ST3GAL1: variants seen among roughly 807,000 people sequenced by gnomAD.
ST3GAL1 encodes CMP-N-acetylneuraminate-beta-galactosamide-alpha-2,3-sialyltransferase 1.
In ST3GAL1, 16 loss-of-function variants were observed where a neutral mutation model predicts 34.1. That is an observed-to-expected ratio of 0.47 (90% CI 0.32 to 0.71). The LOEUF is 0.71. Ranked by LOEUF, ST3GAL1 falls within the 30% of genes least tolerant of loss-of-function variation. The pLI is 0.04. For synonymous variants in ST3GAL1, 191 were observed against 184.7 expected (o/e 1.03, Z -0.28); for missense variants, 353 against 447.4 (o/e 0.79, Z 1.90).
intron 3 of ST3GAL1, among the ~76,000 whole-genome samples, chr8:133,498,199 A>T (rs571746734): frequency 6.6e-6 from 1 of 152,348 alleles, no homozygotes; most frequent in Admixed American, 6.5e-5. Flanking sequence ...GAAGGCAGGC[A>T]GTTCATCCGA....
chr8:133,475,589 C>T, intron 5 of ST3GAL1, 130 bp downstream of exon 5: 1 of 1,112,654 alleles, frequency 9.0e-7, no homozygotes, highest in Non-Finnish European at 1.2e-6. Context: ...AGACCCCTAC[C>T]CTCAGCCCAG....
rs561240154 is a variant in ST3GAL1 at position 133,469,795 on chromosome 8, G to A, written c.307-3705C>T. 6.6e-6 allele frequency among the ~76,000 whole-genome samples: 1 copy of A among 152,324 alleles called. No homozygotes were observed. The highest frequency in any genetic ancestry group is 2.1e-4 in the South Asian group (1 of 4,822). On this transcript the variant is annotated intron_variant, in intron 5 of 9. Coordinates refer to ENST00000522652, the MANE Select transcript of ST3GAL1 (RefSeq NM_173344.3). The surrounding 1 kb of genome is among the most constrained non-coding windows in gnomAD (Gnocchi z 4.3). The stretch of plus-strand genomic sequence containing the variant: ...GGTGGGAAGGAGGGACGGCAGAAAT[G>A]ACCTCCGGGCTCTGTGATGCGACTT...
chr8:133,492,218 C>T (rs557388826), intron 3 of ST3GAL1, among the ~76,000 whole-genome samples: 5 of 152,146 alleles, frequency 3.3e-5, no homozygotes, highest in African/African-American at 7.2e-5. Context: ...GGTCAGGAGG[C>T]GTGGACCATG....
chr8:133,509,512 G>C (rs1451393105), intron 2 of ST3GAL1, among the ~76,000 whole-genome samples: 1 of 152,226 alleles, frequency 6.6e-6, no homozygotes, highest in Admixed American at 6.5e-5. Flanking sequence ...CAAATGACAG[G>C]GCGTGGGGCA....
At chr8:133,538,494 G>A (rs56151636) in intron 2 of ST3GAL1, among the ~76,000 whole-genome samples, 17,352 of 152,166 alleles carry the variant, frequency 0.11, 1,155 homozygotes, top group African/African-American at 0.16. Context: ...CAGCCTGGGC[G>A]ACAGAGCGAG....
chr8:133,562,018 T>G (rs770494738), intron 1 of ST3GAL1, among the ~76,000 whole-genome samples: 1 of 151,762 alleles, frequency 6.6e-6, no homozygotes, highest in Non-Finnish European at 1.5e-5. Context: ...CAGGCAGAAG[T>G]TGCAGTGAGC....
intron 2 of ST3GAL1, among the ~76,000 whole-genome samples, chr8:133,522,418 T>A (rs1817840718): frequency 1.3e-5 from 2 of 152,152 alleles, no homozygotes; most frequent in South Asian, 4.1e-4. Context: ...TGGTTTGATC[T>A]CTACCCCTCT....
At chr8:133,479,892 C>T (rs2130952991) in intron 3 of ST3GAL1, among the ~76,000 whole-genome samples, 1 of 152,308 alleles carries the variant, frequency 6.6e-6, no homozygotes, top group African/African-American at 2.4e-5. Context: ...TATACCCCTT[C>T]CCTGGCTGCA....
At chr8:133,501,106 T>C (rs989458670) in intron 2 of ST3GAL1, among the ~76,000 whole-genome samples, 13 of 152,264 alleles carry the variant, frequency 8.5e-5, no homozygotes, top group Middle Eastern at 3.4e-3. Flanking sequence ...GCCTCAGACA[T>C]CGTTCTTTCT....
rs1563734422 is a variant in ST3GAL1 at position 133,541,034 on chromosome 8, C to CATATATAGACATATATATAGACATAT, written c.-429+4714_-429+4739dup. The stretch of plus-strand genomic sequence containing the variant: ...ATATATATGCAGACATATATATAGA[C>CATATATAGACATATATATAGACATAT]ATATATAGACATATATATAGACATA... On this transcript the variant is annotated intron_variant, in intron 2 of 9. Coordinates refer to ENST00000522652, the MANE Select transcript of ST3GAL1 (RefSeq NM_173344.3). 2.1e-5 allele frequency among the ~76,000 whole-genome samples: 2 copies of CATATATAGACATATATATAGACATAT among 96,654 alleles called. 1 individual carries two copies. Among genetic ancestry groups the CATATATAGACATATATATAGACATAT allele is most frequent in the Non-Finnish European group, 4.1e-5 (2 of 48,668 alleles). The allele number at this position is 96,654 out of a possible 152,430, so 63.4% of individuals were successfully genotyped here. A position where few individuals can be genotyped will look rare whatever the true frequency, so the allele number is the denominator to read the frequency against.
intron 2 of ST3GAL1, among the ~76,000 whole-genome samples, chr8:133,536,061 G>C (rs756965555): frequency 1.5e-4 from 23 of 152,162 alleles, no homozygotes; most frequent in Non-Finnish European, 2.9e-4. Context: ...TTGCAGATGA[G>C]GAAACTGAGA....
In ST3GAL1 at chr8:133,540,467, C is replaced by T. The variant is rs182190384; in HGVS notation, c.-429+5307G>A. 3.3e-5 allele frequency among the ~76,000 whole-genome samples: 5 copies of T among 152,210 alleles called. No individual in the cohort carries two copies. The East Asian group carries it at 9.6e-4, about 29-fold the overall frequency. On this transcript the variant is annotated intron_variant, in intron 2 of 9. Transcript: ENST00000522652. ...TGACACTGCCCAGAAGGAAAACAGG[C>T]CTGGTTCTCTGAGGGGAAATGACAG...
intron 3 of ST3GAL1, among the ~76,000 whole-genome samples, chr8:133,497,582 C>G (rs1486940609): frequency 6.7e-6 from 1 of 149,402 alleles, no homozygotes; most frequent in East Asian, 2.0e-4. Context: ...AAGCAATTCT[C>G]CTGCCTCAGC....
At chr8:133,562,841 C>CCTTCCTTCCTTCCTTCCTTT (rs1491286901) in intron 1 of ST3GAL1, among the ~76,000 whole-genome samples, 59 of 82,490 alleles carry the variant, frequency 7.2e-4, no homozygotes, top group African/African-American at 2.5e-3. Context: ...TTCCTTCCTT[C>CCTTCCTTCCTTCCTTCCTTT]CTTTCTTTCT....
At chr8:133,490,133 CAGTA>C (rs1307842215) in intron 3 of ST3GAL1, among the ~76,000 whole-genome samples, 2 of 152,124 alleles carry the variant, frequency 1.3e-5, no homozygotes, top group Non-Finnish European at 2.9e-5. Context: ...AGAGACTACG[CAGTA>C]TTTTAGGGAC....
chr8:133,498,716 G>T (rs546932976), intron 3 of ST3GAL1, among the ~76,000 whole-genome samples: 1 of 152,358 alleles, frequency 6.6e-6, no homozygotes, highest in African/African-American at 2.4e-5. Flanking sequence ...CTCCTCTGTG[G>T]CTGAGGCAGA....
intron 5 of ST3GAL1, among the ~76,000 whole-genome samples, chr8:133,475,046 G>A (rs910534285): frequency 2.0e-5 from 3 of 152,216 alleles, no homozygotes; most frequent in Admixed American, 6.5e-5. Context: ...TGGAAAAAGC[G>A]CCTCTGTGGG....
chr8:133,494,145 G>A (rs1201164793), intron 3 of ST3GAL1, among the ~76,000 whole-genome samples: 1 of 152,184 alleles, frequency 6.6e-6, no homozygotes, highest in Non-Finnish European at 1.5e-5. Context: ...CAGAGAATAA[G>A]CACAGGGTCT....
chr8:133,529,183 T>G (rs1818068870), intron 2 of ST3GAL1, among the ~76,000 whole-genome samples: 1 of 152,148 alleles, frequency 6.6e-6, no homozygotes, highest in Non-Finnish European at 1.5e-5. Context: ...GGGACCGGCT[T>G]TCTAGCCCTC....
Sources: allele counts gnomAD v4.1 joint callset (sites outside exome capture counted in the v4.1 genomes callset), GRCh38; gene constraint gnomAD v4.1.1; non-coding constraint Gnocchi (gnomAD v3.1); transcripts MANE v1.5; gene names NCBI Gene and HGNC (gene_info 2026-07-23, HGNC 2026-07-21).